Variants in ASIC2 observed in about 807,000 individuals in gnomAD.
ASIC2 encodes the protein acid sensing ion channel subunit 2.
Under a neutral mutation model 57.3 loss-of-function variants are expected in ASIC2, and 25 were observed. The observed-to-expected ratio is 0.44, with a 90% confidence interval of 0.32 to 0.61. The LOEUF is 0.61. Among genes scored for constraint, ASIC2 ranks in the 20% least tolerant of loss-of-function variants. The probability of loss-of-function intolerance (pLI) is 0.06; values close to 1 mark genes in which losing one functional copy is unlikely to be tolerated. For synonymous variants in ASIC2, 319 were observed against 307.5 expected (o/e 1.04, Z -0.39); for missense variants, 641 against 738.1 (o/e 0.87, Z 1.52).
intron 1 of ASIC2, among the ~76,000 whole-genome samples, chr17:33,282,614 A>G (rs961806667): frequency 1.3e-5 from 2 of 152,070 alleles, no homozygotes; most frequent in African/African-American, 4.8e-5. Flanking sequence ...AGCTGGGACT[A>G]CAGTTGCCTG....
chr17:33,044,748 C>T (rs892947045), intron 3 of ASIC2, among the ~76,000 whole-genome samples: 1 of 152,184 alleles, frequency 6.6e-6, no homozygotes, highest in Non-Finnish European at 1.5e-5. Context: ...GATTCCTACA[C>T]CCATGGGGTT....
intron 1 of ASIC2, among the ~76,000 whole-genome samples, chr17:33,464,508 CTT>C (rs1262252204): frequency 0.062 from 2,441 of 39,286 alleles, 33 homozygotes; most frequent in Middle Eastern, 0.087. Flanking sequence ...TTCTTTCTTT[CTT>C]TCTTTCTTTC....
intron 1 of ASIC2, among the ~76,000 whole-genome samples, chr17:33,587,599 C>T (rs564484124): frequency 9.0e-4 from 137 of 152,228 alleles, no homozygotes; most frequent in East Asian, 3.1e-3. Context: ...TTAGATTGGC[C>T]GTGATTGACT....
chr17:34,149,448 T>A (rs1398612192), intron 1 of ASIC2, among the ~76,000 whole-genome samples: 1 of 152,210 alleles, frequency 6.6e-6, no homozygotes, highest in Non-Finnish European at 1.5e-5. Context: ...GCAGGTGGAA[T>A]CCTGGCTACC....
intron 1 of ASIC2, among the ~76,000 whole-genome samples, chr17:33,530,859 G>A (rs1286987627): frequency 6.6e-6 from 1 of 152,118 alleles, no homozygotes; most frequent in Non-Finnish European, 1.5e-5. Context: ...AAAGGTTTTC[G>A]AGTTCCTGCT....
At chr17:33,747,544 G>A (rs1396227744) in intron 1 of ASIC2, among the ~76,000 whole-genome samples, 4 of 152,114 alleles carry the variant, frequency 2.6e-5, no homozygotes, top group African/African-American at 9.7e-5. Context: ...ACTTTACCTG[G>A]ACCTGGAGAT....
intron 1 of ASIC2, among the ~76,000 whole-genome samples, chr17:33,167,725 A>G (rs1275447611): frequency 1.3e-5 from 2 of 152,184 alleles, no homozygotes; most frequent in African/African-American, 4.8e-5. Flanking sequence ...GCAAAACTAG[A>G]TGATCTGCTA....
intron 1 of ASIC2, among the ~76,000 whole-genome samples, chr17:33,567,350 T>C (rs973865460): frequency 6.6e-6 from 1 of 152,066 alleles, no homozygotes; most frequent in Non-Finnish European, 1.5e-5. Context: ...AGAGTGAAGG[T>C]GCGTCAGAAA....
At chr17:33,933,862 C>G (rs556636949) in intron 1 of ASIC2, among the ~76,000 whole-genome samples, 1 of 152,318 alleles carries the variant, frequency 6.6e-6, no homozygotes, top group East Asian at 1.9e-4. Flanking sequence ...ACGAAACAGG[C>G]CTTAGAGCCT....
intron 1 of ASIC2, among the ~76,000 whole-genome samples, chr17:34,053,505 A>G (rs1173470071): frequency 1.3e-5 from 2 of 152,234 alleles, no homozygotes; most frequent in Non-Finnish European, 2.9e-5. Context: ...AACATCCCAC[A>G]GTATTAAAGA....
At position 34,023,378 on chromosome 17, in the gene ASIC2, A is replaced by AACACACAC. The variant is rs59456457; in HGVS notation, c.555+132592_555+132599dup. Reference sequence around the variant, plus strand: ...TTTCTCTCTCTCTCTCTCTGTCACAAACACACACACACACACACACACACA... The same window carrying AACACACAC: ...TTTCTCTCTCTCTCTCTCTGTCACAAACACACACACACACACACACACACACACACACA... On this transcript the variant is annotated intron_variant, in intron 1 of 9. Transcript: ENST00000359872. 4.6e-3 allele frequency among the ~76,000 whole-genome samples: 679 copies of AACACACAC among 147,598 alleles called. 2 individuals carry two copies. The highest frequency in any genetic ancestry group is 0.014 in the Middle Eastern group (4 of 288).
intron 1 of ASIC2, among the ~76,000 whole-genome samples, chr17:33,548,951 T>A (rs1028987367): frequency 6.6e-6 from 1 of 152,162 alleles, no homozygotes; most frequent in Admixed American, 6.5e-5. Context: ...TTATTCTCTA[T>A]CACATCACAG....
chr17:33,295,925 G>A (rs1035410462), upstream of ASIC2, among the ~76,000 whole-genome samples: 15 of 152,016 alleles, frequency 9.9e-5, no homozygotes, highest in Middle Eastern at 3.2e-3. Context: ...GGCTTAAGCT[G>A]TCCTCCTGCC....
At chr17:33,157,093 C>G (rs1905026001) in intron 1 of ASIC2, among the ~76,000 whole-genome samples, 1 of 152,102 alleles carries the variant, frequency 6.6e-6, no homozygotes, top group Non-Finnish European at 1.5e-5. Context: ...GCAACTAACT[C>G]ATGAGATGGC....
At chr17:33,313,786 G>A (rs575372193) in intron 1 of ASIC2, among the ~76,000 whole-genome samples, 1 of 152,038 alleles carries the variant, frequency 6.6e-6, no homozygotes, top group Non-Finnish European at 1.5e-5. Context: ...TGGCGGAATC[G>A]AAGTAGAAAG....
chr17:33,888,180 G>C (rs1743958906), intron 1 of ASIC2, among the ~76,000 whole-genome samples: 1 of 152,166 alleles, frequency 6.6e-6, no homozygotes, highest in African/African-American at 2.4e-5. Context: ...TGGTTAAACA[G>C]ATGGTAGTGT....
chr17:33,387,008 T>G (rs1909708634), intron 1 of ASIC2, among the ~76,000 whole-genome samples: 1 of 151,842 alleles, frequency 6.6e-6, no homozygotes, highest in Non-Finnish European at 1.5e-5. Context: ...TTTAGCTGCT[T>G]TAGAGTTTAG....
intron 1 of ASIC2, among the ~76,000 whole-genome samples, chr17:33,613,142 G>T (rs191779324): frequency 7.1e-4 from 108 of 152,234 alleles, no homozygotes; most frequent in African/African-American, 2.4e-3. Context: ...TTAGTATATA[G>T]AGATAGAAAA....
intron 1 of ASIC2, among the ~76,000 whole-genome samples, chr17:33,931,858 C>G (rs16969051): frequency 6.6e-6 from 1 of 152,098 alleles, no homozygotes; most frequent in Admixed American, 6.5e-5. Flanking sequence ...GGGGAATGAG[C>G]GCTGTTCGGC....
Sources: allele counts gnomAD v4.1 joint callset (sites outside exome capture counted in the v4.1 genomes callset), GRCh38; gene constraint gnomAD v4.1.1; transcripts MANE v1.5; gene names NCBI Gene and HGNC (gene_info 2026-07-23, HGNC 2026-07-21).